The following SSH2 variants were observed in gnomAD, a reference collection of about 807,000 sequenced individuals.
The protein encoded by SSH2 is protein phosphatase Slingshot homolog 2.
SSH2 carries 37 observed loss-of-function variants against 135.2 expected under a neutral mutation model. The observed-to-expected ratio is 0.27, with a 90% CI of 0.21 to 0.36. The LOEUF (loss-of-function observed/expected upper bound fraction) is 0.36. SSH2 is among the 10% of genes least tolerant of loss of function. The pLI is 1.00. For synonymous variants in SSH2, 628 were observed against 646.2 expected, an observed-to-expected ratio of 0.97 and a Z score of 0.43; for missense variants, 1,408 against 1,765.3, an observed-to-expected ratio of 0.80 and a Z score of 3.63.
At chr17:29,791,876 CA>C (rs1187518343) in intron 3 of SSH2, among the ~76,000 whole-genome samples, 1 of 150,678 alleles carries the variant, frequency 6.6e-6, no homozygotes, top group Non-Finnish European at 1.5e-5. Flanking sequence ...AAAGTATTGC[CA>C]AAAACTTAAA....
intron 3 of SSH2, among the ~76,000 whole-genome samples, chr17:29,720,189 T>A (rs879677262): frequency 3.3e-5 from 5 of 152,218 alleles, no homozygotes; most frequent in Non-Finnish European, 7.3e-5. Context: ...TCCACCAATG[T>A]ACCAATAGGG....
chr17:29,802,883 A>G (rs1199272835), intron 2 of SSH2, among the ~76,000 whole-genome samples: 1 of 152,212 alleles, frequency 6.6e-6, no homozygotes, highest in Non-Finnish European at 1.5e-5. Flanking sequence ...TTGTCAATTC[A>G]CTGGATATCA....
intron 2 of SSH2, chr17:29,839,021 T>C (rs1185956677): frequency 6.6e-6 from 1 of 152,296 alleles, no homozygotes; most frequent in East Asian, 1.9e-4. Flanking sequence ...TGAGCCAGGG[T>C]TGTGACACCC....
At chr17:29,883,516 TAAATAG>T (rs2066177638) in intron 1 of SSH2, among the ~76,000 whole-genome samples, 1 of 152,226 alleles carries the variant, frequency 6.6e-6, no homozygotes, top group Non-Finnish European at 1.5e-5. Context: ...ATACTGTATA[TAAATAG>T]AAATTTTTAT....
intron 5 of SSH2, among the ~76,000 whole-genome samples, chr17:29,685,737 T>C (rs540856295): frequency 7.5e-4 from 112 of 149,114 alleles, no homozygotes; most frequent in African/African-American, 2.7e-3. Context: ...TGCAGTGAGC[T>C]GAGATCACCC....
At chr17:29,817,185 G>C (rs1261313544) in intron 2 of SSH2, among the ~76,000 whole-genome samples, 2 of 152,056 alleles carry the variant, frequency 1.3e-5, no homozygotes, top group African/African-American at 4.8e-5. Flanking sequence ...AAGCTGCTCC[G>C]CTACATATTT....
At chr17:29,850,009 G>T in intron 1 of SSH2, among the ~76,000 whole-genome samples, 1 of 129,106 alleles carries the variant, frequency 7.7e-6, no homozygotes, top group Admixed American at 8.9e-5. Flanking sequence ...CAGCCTGGGT[G>T]ACAGTGCAAG....
chr17:29,657,449 A>G (rs1219799765), intron 11 of SSH2, among the ~76,000 whole-genome samples: 1 of 144,522 alleles, frequency 6.9e-6, no homozygotes, highest in Non-Finnish European at 1.5e-5. Context: ...TTTTGTATTT[A>G]GTAAAGACGA....
intron 1 of SSH2, among the ~76,000 whole-genome samples, chr17:29,900,721 C>T (rs932058286): frequency 2.0e-5 from 3 of 152,218 alleles, no homozygotes; most frequent in African/African-American, 4.8e-5. Context: ...GTCAGTGTGG[C>T]GATTCCTCAG....
At chr17:29,879,545 T>C (rs914149706) in intron 1 of SSH2, among the ~76,000 whole-genome samples, 2 of 152,178 alleles carry the variant, frequency 1.3e-5, no homozygotes, top group African/African-American at 2.4e-5. Flanking sequence ...ACAATTGATG[T>C]GCTGCTCATT....
intron 2 of SSH2, among the ~76,000 whole-genome samples, chr17:29,802,035 T>G (rs976034471): frequency 9.2e-5 from 14 of 152,178 alleles, no homozygotes; most frequent in African/African-American, 3.4e-4. Flanking sequence ...TAAAACATAT[T>G]ATTTTTTTTG....
At chr17:29,725,415 C>A (rs1242381095) in intron 3 of SSH2, among the ~76,000 whole-genome samples, 1 of 142,732 alleles carries the variant, frequency 7.0e-6, no homozygotes, top group East Asian at 2.2e-4. Flanking sequence ...GATTCTAAAT[C>A]ATTCTACTAT....
intron 1 of SSH2, among the ~76,000 whole-genome samples, chr17:29,878,965 A>G (rs1450830566): frequency 1.3e-5 from 2 of 152,232 alleles, no homozygotes; most frequent in African/African-American, 4.8e-5. Flanking sequence ...AACTTAACAA[A>G]TACAGACAGC....
intron 1 of SSH2, among the ~76,000 whole-genome samples, chr17:29,911,304 TAC>T (rs2066760730): frequency 6.6e-6 from 1 of 152,206 alleles, no homozygotes; most frequent in South Asian, 2.1e-4. Flanking sequence ...CAGTCTCAGT[TAC>T]AGAGTTGTAT....
intron 1 of SSH2, among the ~76,000 whole-genome samples, chr17:29,894,322 TG>T (rs1427517917): frequency 6.6e-6 from 1 of 152,038 alleles, no homozygotes; most frequent in Non-Finnish European, 1.5e-5. Context: ...CTCTTCAGCT[TG>T]GGACTTTCCT....
intron 3 of SSH2, among the ~76,000 whole-genome samples, chr17:29,741,938 T>TC (rs1356987556): frequency 4.2e-5 from 6 of 142,454 alleles, no homozygotes; most frequent in Admixed American, 1.4e-4. Flanking sequence ...TTTTTTCTTT[T>TC]TTTTTTTTTT....
intron 5 of SSH2, among the ~76,000 whole-genome samples, chr17:29,690,999 G>C (rs1042342089): frequency 6.6e-6 from 1 of 151,540 alleles, no homozygotes; most frequent in African/African-American, 2.4e-5. Context: ...AAAAAAGAGT[G>C]GAAGGATACT....
chr17:29,830,984 A>G (rs1907752797), intron 2 of SSH2, among the ~76,000 whole-genome samples: 1 of 152,210 alleles, frequency 6.6e-6, no homozygotes, highest in African/African-American at 2.4e-5. Context: ...GCATAGTAGA[A>G]TTTAAATTAT....
intron 9 of SSH2, among the ~76,000 whole-genome samples, chr17:29,667,699 A>G (rs1382265024): frequency 2.6e-5 from 4 of 152,220 alleles, no homozygotes; most frequent in African/African-American, 7.2e-5. Flanking sequence ...CCTTCCATCC[A>G]GAATGCTTTC....
Sources: gnomAD v4.1 joint callset for allele counts (sites outside exome capture counted in the v4.1 genomes callset) on GRCh38, gnomAD v4.1.1 for gene constraint, MANE v1.5 for transcripts, NCBI Gene and HGNC (gene_info 2026-07-23, HGNC 2026-07-21) for gene names.